NREP: variants seen among roughly 807,000 people sequenced by gnomAD.
The protein encoded by NREP is neuronal regeneration-related protein.
NREP carries 5 observed loss-of-function variants against 8.6 expected under a neutral mutation model. That is an observed-to-expected ratio of 0.58 (90% confidence interval 0.30 to 1.22). NREP has a LOEUF of 1.22. Among genes scored for constraint, NREP ranks in the 50% most tolerant of loss-of-function variants. The pLI is 0.07. For missense variants in NREP, 86 were observed against 82.5 expected, an observed-to-expected ratio of 1.04 and a Z score of -0.17; for synonymous variants, 27 against 28.0, an observed-to-expected ratio of 0.96 and a Z score of 0.11.
chr5:111,963,549 A>T (rs1261393701), intron 2 of NREP, among the ~76,000 whole-genome samples: 1 of 152,242 alleles, frequency 6.6e-6, no homozygotes, highest in Non-Finnish European at 1.5e-5. Context: ...AACCCTGCCC[A>T]GAGATGTATT....
chr5:111,950,185 G>T (rs1248359566), intron 2 of NREP, among the ~76,000 whole-genome samples: 1 of 151,856 alleles, frequency 6.6e-6, no homozygotes, highest in Non-Finnish European at 1.5e-5. Context: ...CTAATGACCA[G>T]TGACAGATAT....
chr5:111,967,385 G>A (rs77650590), intron 2 of NREP, among the ~76,000 whole-genome samples: 2,363 of 151,958 alleles, frequency 0.016, 30 homozygotes, highest in Non-Finnish European at 0.026. Context: ...ACTTTAATTC[G>A]TATTACACAG....
intron 2 of NREP, among the ~76,000 whole-genome samples, chr5:111,906,158 C>T (rs1754772777): frequency 6.6e-6 from 1 of 151,964 alleles, no homozygotes; most frequent in Non-Finnish European, 1.5e-5. Flanking sequence ...GTGCTAGTGC[C>T]TCATAATATA....
At chr5:111,897,707 C>A (rs1262766256) in intron 2 of NREP, among the ~76,000 whole-genome samples, 2 of 152,104 alleles carry the variant, frequency 1.3e-5, no homozygotes, top group African/African-American at 4.8e-5. Context: ...TTAATGGGTT[C>A]TTCCTAACTT....
intron 2 of NREP, among the ~76,000 whole-genome samples, chr5:111,891,734 C>G (rs941135353): frequency 6.6e-6 from 1 of 152,112 alleles, no homozygotes; most frequent in African/African-American, 2.4e-5. Flanking sequence ...ATGGTGGGAG[C>G]AGGAGCAAGA....
In NREP at chr5:111,911,518, C is replaced by A. The variant is rs115980791; in HGVS notation, c.135+63756G>T. On this transcript the variant is annotated intron_variant, in intron 2 of 3. Transcript: ENST00000395634. Reference sequence around the variant, plus strand: ...GTAAGCACATACTAAGTGGCAGAAACCCTGGGCCTTGGAAAGACCCTCCAG... The same window carrying A: ...GTAAGCACATACTAAGTGGCAGAAAACCTGGGCCTTGGAAAGACCCTCCAG... Among the ~76,000 whole-genome samples, 1,230 of 151,992 alleles carry A rather than the reference C, an allele frequency of 8.1e-3. 19 individuals carry two copies. The highest frequency in any genetic ancestry group is 0.028 in the African/African-American group (1,168 of 41,478).
chr5:111,963,182 C>T (rs1169380290), intron 2 of NREP, among the ~76,000 whole-genome samples: 1 of 152,252 alleles, frequency 6.6e-6, no homozygotes, highest in African/African-American at 2.4e-5. Context: ...CCCAGCTGAG[C>T]AACGCCATGG....
upstream of NREP, chr5:111,757,639 C>A: frequency 2.0e-6 from 2 of 983,182 alleles, no homozygotes; most frequent in Non-Finnish European, 2.4e-6. Context: ...CGCACCCGCG[C>A]CCCGGGCGCC....
intron 3 of NREP, 103 bp from the exon 4 acceptor site, chr5:111,731,149 C>T: frequency 1.6e-6 from 2 of 1,229,178 alleles, no homozygotes; most frequent in East Asian, 2.5e-5. Flanking sequence ...CTGCCCAGCC[C>T]ACATTATACC....
At chr5:111,776,498 C>T (rs1191818671) in intron 2 of NREP, among the ~76,000 whole-genome samples, 2 of 152,140 alleles carry the variant, frequency 1.3e-5, no homozygotes, top group Admixed American at 1.3e-4. Context: ...ATATATCCAC[C>T]AAAAGACATG....
intron 2 of NREP, among the ~76,000 whole-genome samples, chr5:111,911,155 A>T (rs1253117915): frequency 6.6e-6 from 1 of 151,972 alleles, no homozygotes; most frequent in Non-Finnish European, 1.5e-5. Flanking sequence ...TCACCCCTGC[A>T]CCCAGTGTTC....
At chr5:111,885,466 A>C (rs1448251996) in intron 2 of NREP, among the ~76,000 whole-genome samples, 6 of 150,798 alleles carry the variant, frequency 4.0e-5, no homozygotes, top group Non-Finnish European at 7.4e-5. Flanking sequence ...ACAGAATTGG[A>C]AAAAACTACT....
rs568912461 is a variant in NREP, at chr5:111,881,594, C to A, written c.135+93680G>T. On this transcript the variant is annotated intron_variant, in intron 2 of 3. Coordinates refer to the NREP transcript ENST00000395634. ...GGAGGCACCCCCCAGTAGGGGCAGA[C>A]TGACACCTCACACGACCGGGTACTC... Among the ~76,000 whole-genome samples the A allele has an allele frequency of 5.9e-5, 9 of 152,316 alleles. 1 individual carries two copies. In the South Asian group the frequency reaches 1.7e-3, roughly 28 times the overall value.
intron 2 of NREP, among the ~76,000 whole-genome samples, chr5:111,925,484 TCCC>T (rs1331566916): frequency 6.6e-6 from 1 of 152,128 alleles, no homozygotes; most frequent in Non-Finnish European, 1.5e-5. Flanking sequence ...CTGGGCCTCC[TCCC>T]GATCCCTGCT....
chr5:111,926,911 C>T (rs1755403603), intron 2 of NREP, among the ~76,000 whole-genome samples: 1 of 151,184 alleles, frequency 6.6e-6, no homozygotes, highest in Admixed American at 6.6e-5. Context: ...ATCCATGGAC[C>T]CGGAGGAGTG....
chr5:111,918,050 C>G (rs1755115051), intron 2 of NREP, among the ~76,000 whole-genome samples: 1 of 152,112 alleles, frequency 6.6e-6, no homozygotes, highest in Non-Finnish European at 1.5e-5. Flanking sequence ...CACAGGCATT[C>G]CTAGACACCA....
intron 2 of NREP, among the ~76,000 whole-genome samples, chr5:111,753,155 A>G (rs1750471069): frequency 6.6e-6 from 1 of 151,794 alleles, no homozygotes; most frequent in African/African-American, 2.4e-5. Context: ...CTGTTCAACT[A>G]AGATACAGCA....
At chr5:111,826,424 T>A (rs1286829428) in intron 2 of NREP, among the ~76,000 whole-genome samples, 2 of 152,188 alleles carry the variant, frequency 1.3e-5, no homozygotes, top group African/African-American at 4.8e-5. Flanking sequence ...AGTGTTTGGG[T>A]CTGCACTGCA....
intron 2 of NREP, among the ~76,000 whole-genome samples, chr5:111,829,505 C>T (rs1303036332): frequency 6.6e-6 from 1 of 152,214 alleles, no homozygotes; most frequent in Non-Finnish European, 1.5e-5. Context: ...TCCCAATCTG[C>T]ACCCACATAT....
Sources: allele counts gnomAD v4.1 joint callset (sites outside exome capture counted in the v4.1 genomes callset), GRCh38; gene constraint gnomAD v4.1.1; transcripts MANE v1.5; gene names NCBI Gene and HGNC (gene_info 2026-07-23, HGNC 2026-07-21).